The following CTNNBIP1 variants were observed in gnomAD, a reference collection of about 807,000 sequenced individuals.
The protein encoded by CTNNBIP1 is beta-catenin-interacting protein 1.
A neutral mutation model predicts 11.8 loss-of-function variants in CTNNBIP1; 7 were observed. The observed-to-expected ratio is 0.60, with a 90% CI of 0.34 to 1.12. CTNNBIP1 has a LOEUF of 1.12. Ranked by LOEUF, CTNNBIP1 falls within the 50% of genes most tolerant of loss-of-function variation. The probability of loss-of-function intolerance (pLI) is 0.03; values close to 1 mark genes in which losing one functional copy is unlikely to be tolerated. For synonymous variants in CTNNBIP1, 58 were observed against 43.9 expected (o/e 1.32, Z -1.26); for missense variants, 101 against 113.4 (o/e 0.89, Z 0.50).
rs150080312 is a variant in CTNNBIP1 at position 9,860,312 on chromosome 1, C to T, written c.188-9536G>A. On this transcript the variant is annotated intron_variant, in intron 5 of 5. Coordinates refer to ENST00000377263, the MANE Select transcript of CTNNBIP1 (RefSeq NM_020248.3). ...CCAATTCAGAACCAGGATTCTAGGC[C>T]GGGTGTGGTGGCTCATGCCTGTAAT... Among the ~76,000 whole-genome samples the T allele has an allele frequency of 4.3e-3, 649 of 151,276 alleles. 7 individuals carry two copies. The highest frequency in any genetic ancestry group is 0.015 in the African/African-American group (619 of 41,302).
chr1:9,902,061 C>G (rs1639532427), intron 1 of CTNNBIP1, among the ~76,000 whole-genome samples: 1 of 152,116 alleles, frequency 6.6e-6, no homozygotes, highest in African/African-American at 2.4e-5. Context: ...TTGAAGAGAG[C>G]TGAAGGCCTG....
At chr1:9,900,128 G>A (rs984399578) in intron 1 of CTNNBIP1, among the ~76,000 whole-genome samples, 4 of 151,924 alleles carry the variant, frequency 2.6e-5, no homozygotes, top group African/African-American at 9.7e-5. Flanking sequence ...TGGAGGCCGG[G>A]TGCTGTGGCT....
intron 3 of CTNNBIP1, among the ~76,000 whole-genome samples, chr1:9,874,488 A>G (rs531699564): frequency 3.3e-5 from 5 of 152,194 alleles, no homozygotes; most frequent in Non-Finnish European, 7.3e-5. Flanking sequence ...TCCTGGTCTC[A>G]AGCAATCCTC....
At chr1:9,869,396 G>A (rs528186867) in intron 5 of CTNNBIP1, among the ~76,000 whole-genome samples, 31 of 146,806 alleles carry the variant, frequency 2.1e-4, no homozygotes, top group African/African-American at 6.8e-4. Flanking sequence ...TTTTTGAGAC[G>A]GAGTCTTGCT....
intron 2 of CTNNBIP1, among the ~76,000 whole-genome samples, chr1:9,879,011 CA>C (rs1336460184): frequency 6.6e-6 from 1 of 152,182 alleles, no homozygotes; most frequent in Non-Finnish European, 1.5e-5. Context: ...GCCTGGCCAA[CA>C]TAGTGAAACC....
intron 1 of CTNNBIP1, among the ~76,000 whole-genome samples, chr1:9,906,430 C>G (rs543442687): frequency 1.3e-5 from 2 of 152,118 alleles, no homozygotes; most frequent in African/African-American, 2.4e-5. Flanking sequence ...TGGTGGCACA[C>G]GCCTGTAATC....
intron 2 of CTNNBIP1, among the ~76,000 whole-genome samples, chr1:9,882,558 G>A (rs1311187156): frequency 2.0e-5 from 3 of 152,226 alleles, no homozygotes; most frequent in Admixed American, 1.3e-4. Flanking sequence ...CACTCAGTGG[G>A]AGGGGAAGAG....
In CTNNBIP1 at chr1:9,888,308, G is replaced by A. The variant is rs1406361800; in HGVS notation, c.-143-4570C>T. ...TAAAAGCTGGGCATGGTGGCCGGGC[G>A]CGGTGGCTCATGCCTGTAATCCCAG... is the stretch of plus-strand genomic sequence containing the variant. On this transcript the variant is annotated intron_variant, in intron 1 of 5. Transcript: ENST00000377263. Among the ~76,000 whole-genome samples, 7 of 151,406 alleles carry A rather than the reference G, an allele frequency of 4.6e-5. No homozygotes were observed. The East Asian group carries it at 1.2e-3, about 26-fold the overall frequency.
At chr1:9,896,002 T>TCC (rs1639401355) in intron 1 of CTNNBIP1, among the ~76,000 whole-genome samples, 1 of 152,004 alleles carries the variant, frequency 6.6e-6, no homozygotes, top group Non-Finnish European at 1.5e-5. Context: ...CAATTCCCCC[T>TCC]CCCCCTCAAT....
rs1315801268 is a variant in CTNNBIP1 at position 9,872,540 on chromosome 1, G to A, written c.-24-452C>T. 2.0e-5 allele frequency among the ~76,000 whole-genome samples: 3 copies of A among 152,210 alleles called. No homozygotes were observed. Among genetic ancestry groups the A allele is most frequent in the Non-Finnish European group, 2.9e-5 (2 of 68,036 alleles). On this transcript the variant is annotated intron_variant, in intron 3 of 5. Coordinates refer to ENST00000377263, the MANE Select transcript of CTNNBIP1 (RefSeq NM_020248.3). The surrounding 1 kb of genome is among the most constrained non-coding windows in gnomAD (Gnocchi z 4.0). ...GGCAACTGGTTAGGGCCTTTGGCTC[G>A]AGAAACTGTGAGATCAGTGCCCAGC...
Position 9,872,084 on chromosome 1 carries a change from G to C in CTNNBIP1, c.-20C>G, listed in dbSNP as rs757537274. On this transcript the variant is annotated 5_prime_UTR_variant, in exon 4 of 6. Transcript: ENST00000377263. The surrounding 1 kb of genome is among the most constrained non-coding windows in gnomAD (Gnocchi z 4.0). Reference sequence around the variant, plus strand: ...GTTCATCCCCCTGCCTGGCTCTGGGGACTCCTGCAGAGCAAGCAACAGCAT... The same window carrying C: ...GTTCATCCCCCTGCCTGGCTCTGGGCACTCCTGCAGAGCAAGCAACAGCAT... 2 of 1,581,382 alleles carry C rather than the reference G, an allele frequency of 1.3e-6. No individual in the cohort carries two copies. The highest frequency in any genetic ancestry group is 2.2e-5 in the South Asian group (2 of 90,458).
chr1:9,880,812 T>C (rs1301608618), intron 2 of CTNNBIP1, among the ~76,000 whole-genome samples: 2 of 152,206 alleles, frequency 1.3e-5, no homozygotes, highest in African/African-American at 4.8e-5. Flanking sequence ...AGTTCTGCTC[T>C]GTCACTGATT....
chr1:9,861,164 C>T (rs1332944608), intron 5 of CTNNBIP1, among the ~76,000 whole-genome samples: 2 of 152,196 alleles, frequency 1.3e-5, no homozygotes, highest in East Asian at 1.9e-4. Flanking sequence ...CCTCCTCCCA[C>T]GAGCTCATTA....
intron 1 of CTNNBIP1, among the ~76,000 whole-genome samples, chr1:9,909,593 C>A (rs1639690582): frequency 6.6e-6 from 1 of 152,122 alleles, no homozygotes; most frequent in African/African-American, 2.4e-5. Flanking sequence ...CATACACGCC[C>A]GCCATCCAGG....
chr1:9,858,997 G>C (rs956544485), intron 5 of CTNNBIP1, among the ~76,000 whole-genome samples: 1 of 152,094 alleles, frequency 6.6e-6, no homozygotes, highest in African/African-American at 2.4e-5. Context: ...CATCAGAATG[G>C]AACTAAGAAC....
intron 5 of CTNNBIP1, among the ~76,000 whole-genome samples, chr1:9,858,684 C>T (rs1018464580): frequency 6.6e-6 from 1 of 152,330 alleles, no homozygotes; most frequent in South Asian, 2.1e-4. Flanking sequence ...ATTGAGCTGA[C>T]CTTCCTTTCT....
intron 5 of CTNNBIP1, among the ~76,000 whole-genome samples, chr1:9,868,985 CTTCT>C (rs1638802725): frequency 6.6e-6 from 1 of 151,892 alleles, no homozygotes; most frequent in African/African-American, 2.4e-5. Flanking sequence ...ATTCCACCAG[CTTCT>C]TTGTCTTTTA....
Position 9,897,336 on chromosome 1 carries a change from C to T in CTNNBIP1, c.-144+12759G>A, listed in dbSNP as rs529590074. Among the ~76,000 whole-genome samples the T allele has an allele frequency of 2.4e-3, 371 of 152,274 alleles. 2 individuals are homozygous for T. The highest frequency in any genetic ancestry group is 8.6e-3 in the African/African-American group (359 of 41,556). ...AGATGTGGTGGCGGGTGCCTGTAGT[C>T]CCAGCTACTCAGGAGGCTGAGGCAG... On this transcript the variant is annotated intron_variant, in intron 1 of 5. Transcript: ENST00000377263.
intron 3 of CTNNBIP1, among the ~76,000 whole-genome samples, chr1:9,875,009 T>G (rs1291208212): frequency 6.6e-6 from 1 of 152,182 alleles, no homozygotes; most frequent in Admixed American, 6.5e-5. Context: ...TGCTCTCTCC[T>G]GGTGAGAGAC....
Sources: allele counts gnomAD v4.1 joint callset (sites outside exome capture counted in the v4.1 genomes callset), GRCh38; gene constraint gnomAD v4.1.1; non-coding constraint Gnocchi (gnomAD v3.1); transcripts MANE v1.5; gene names NCBI Gene and HGNC (gene_info 2026-07-23, HGNC 2026-07-21).